NMNAT2: variants seen among roughly 807,000 people sequenced by gnomAD.
NMNAT2 encodes nicotinamide/nicotinic acid mononucleotide adenylyltransferase 2.
In NMNAT2, 11 loss-of-function variants were observed where a neutral mutation model predicts 41.6. That is an observed-to-expected ratio of 0.26 (90% CI 0.17 to 0.44). The LOEUF (loss-of-function observed/expected upper bound fraction) is 0.44. Among genes scored for constraint, NMNAT2 ranks in the 20% least tolerant of loss-of-function variants. The pLI, the probability that NMNAT2 is intolerant of heterozygous loss-of-function variation, is 1.00. For missense variants in NMNAT2, 288 were observed against 407.7 expected (o/e 0.71, Z 2.53); for synonymous variants, 148 against 151.2 (o/e 0.98, Z 0.16).
chr1:183,382,374 A>C (rs576534518), intron 1 of NMNAT2, among the ~76,000 whole-genome samples: 1 of 152,144 alleles, frequency 6.6e-6, no homozygotes, highest in Non-Finnish European at 1.5e-5. Context: ...TCCAAACCAT[A>C]TCTTTTCCAC....
chr1:183,318,146 T>A (rs1020991527), intron 1 of NMNAT2, among the ~76,000 whole-genome samples: 5 of 152,176 alleles, frequency 3.3e-5, no homozygotes, highest in Non-Finnish European at 7.4e-5. Flanking sequence ...GGGCTTCGAC[T>A]CCCAGACATC....
intron 1 of NMNAT2, among the ~76,000 whole-genome samples, chr1:183,384,720 T>G (rs1397651369): frequency 6.6e-6 from 1 of 152,242 alleles, no homozygotes; most frequent in Non-Finnish European, 1.5e-5. Flanking sequence ...CTCAAAGACG[T>G]CTCTCATTGC....
rs575434200 is a variant in NMNAT2 at position 183,333,942 on chromosome 1, G to A, written c.86-40149C>T. ...CACCAATGCTGTCTAATTGTCCCCA[G>A]TAAGTAAGAAAACTGAAAGGAGAAA... On this transcript the variant is annotated intron_variant, in intron 1 of 10. Coordinates refer to ENST00000287713, the MANE Select transcript of NMNAT2 (RefSeq NM_015039.4). 2.6e-5 allele frequency among the ~76,000 whole-genome samples: 4 copies of A among 152,310 alleles called. 1 individual carries two copies. Among genetic ancestry groups the A allele is most frequent in the African/African-American group, 9.6e-5 (4 of 41,560 alleles).
At chr1:183,370,850 T>C (rs525138) in intron 1 of NMNAT2, among the ~76,000 whole-genome samples, 107,802 of 152,100 alleles carry the variant, frequency 0.71, 38,379 homozygotes, top group East Asian at 0.91. Flanking sequence ...GGCGGGCAGA[T>C]TGGACAGCTC....
chr1:183,359,696 G>T (rs1262143655), intron 1 of NMNAT2, among the ~76,000 whole-genome samples: 2 of 152,062 alleles, frequency 1.3e-5, no homozygotes, highest in African/African-American at 2.4e-5. Context: ...CCTCTTTTTT[G>T]CTCCCATGCC....
intron 1 of NMNAT2, among the ~76,000 whole-genome samples, chr1:183,320,632 T>C (rs1408199586): frequency 6.6e-6 from 1 of 152,174 alleles, no homozygotes; most frequent in Non-Finnish European, 1.5e-5. Context: ...TGTGAATTAC[T>C]TTTTGGATAC....
chr1:183,389,429 T>C (rs1281805411), intron 1 of NMNAT2, among the ~76,000 whole-genome samples: 1 of 152,138 alleles, frequency 6.6e-6, no homozygotes, highest in Non-Finnish European at 1.5e-5. Flanking sequence ...TATTTTGTAG[T>C]TGCCTTATCT....
intron 1 of NMNAT2, among the ~76,000 whole-genome samples, chr1:183,349,571 G>A (rs182903898): frequency 3.7e-4 from 56 of 152,338 alleles, no homozygotes; most frequent in African/African-American, 1.0e-3. Flanking sequence ...CAAGCCTTTG[G>A]GGCAGGCAAG....
At chr1:183,271,212 TA>T (rs1305524980) in intron 8 of NMNAT2, among the ~76,000 whole-genome samples, 1 of 152,258 alleles carries the variant, frequency 6.6e-6, no homozygotes, top group Non-Finnish European at 1.5e-5. Context: ...GAGCAGCTAA[TA>T]CATGTAATCA....
chr1:183,284,181 G>A, intron 6 of NMNAT2, 142 bp from the exon 7 acceptor site: 1 of 670,724 alleles, frequency 1.5e-6, no homozygotes, highest in Non-Finnish European at 2.6e-6. Flanking sequence ...CACCTGAGGA[G>A]GGTGAATGGA....
chr1:183,418,238 G>A lies in NMNAT2; in HGVS notation c.30C>T (p.Ile10=), dbSNP rs1649309285. 6.2e-7 allele frequency: 1 copy of A among 1,614,046 alleles called. No homozygotes were observed. Among genetic ancestry groups the A allele is most frequent in the Non-Finnish European group, 8.5e-7 (1 of 1,180,042 alleles). Residue 10 remains isoleucine (I), a synonymous_variant, in exon 1 of 11, where the codon ATC becomes ATT. Coordinates refer to ENST00000287713, the MANE Select transcript of NMNAT2 (RefSeq NM_015039.4). ...GATTGAAGCTGCCGCAGGCGAGCAAGATAACGTGGGTCTTGGTGGTCTCGG... is the reference window on the plus strand; with the variant it reads ...GATTGAAGCTGCCGCAGGCGAGCAAAATAACGTGGGTCTTGGTGGTCTCGG... MTETTKTHV[I]LLACGSFNPI...
intron 1 of NMNAT2, among the ~76,000 whole-genome samples, chr1:183,409,173 A>G (rs12127454): frequency 0.059 from 8,937 of 152,242 alleles, 517 homozygotes; most frequent in South Asian, 0.17. Context: ...AGGGCAACAA[A>G]GTGAGACCAT....
intron 10 of NMNAT2, among the ~76,000 whole-genome samples, chr1:183,257,122 C>G (rs1376847380): frequency 2.0e-5 from 3 of 152,096 alleles, no homozygotes; most frequent in Admixed American, 2.0e-4. Context: ...AGGAGGTATT[C>G]CTTCCAGCTG....
chr1:183,417,258 G>A (rs1440254951), intron 1 of NMNAT2, among the ~76,000 whole-genome samples: 2 of 152,082 alleles, frequency 1.3e-5, no homozygotes, highest in South Asian at 2.1e-4. Context: ...GAACCAGCCA[G>A]CCGGATGCCC....
intron 8 of NMNAT2, among the ~76,000 whole-genome samples, chr1:183,273,823 T>TTCCC (rs1375969151): frequency 8.9e-5 from 4 of 44,994 alleles, no homozygotes; most frequent in East Asian, 8.3e-4. Context: ...TTCCTTTCTT[T>TTCCC]TCCCTCCCTC....
intron 5 of NMNAT2, among the ~76,000 whole-genome samples, chr1:183,285,936 C>T (rs901738120): frequency 3.3e-5 from 5 of 152,216 alleles, no homozygotes; most frequent in South Asian, 2.1e-4. Flanking sequence ...GGGTGCGGAC[C>T]GCCTGGGTGT....
rs139053566 is a variant in NMNAT2, at chr1:183,386,399, A to G, written c.85+31784T>C. Among the ~76,000 whole-genome samples the G allele has an allele frequency of 1.7e-3, 258 of 152,314 alleles. 6 individuals carry two copies. The East Asian group carries it at 0.047, about 28-fold the overall frequency. On this transcript the variant is annotated intron_variant, in intron 1 of 10. Transcript: ENST00000287713. ...TTTCAATTACCTTATTTTGAATAGC[A>G]ATGTACCATTTGGGGGAAGTTATAT...
intron 1 of NMNAT2, among the ~76,000 whole-genome samples, chr1:183,318,313 C>T (rs1037996053): frequency 1.3e-5 from 2 of 152,196 alleles, no homozygotes; most frequent in Non-Finnish European, 2.9e-5. Flanking sequence ...CTGCAGGCTA[C>T]AGTCTGTTAG....
At position 183,357,640 on chromosome 1, in the gene NMNAT2, T is replaced by A. The variant is rs555153608; in HGVS notation, c.85+60543A>T. Among the ~76,000 whole-genome samples, 10 of 152,352 alleles carry A rather than the reference T, an allele frequency of 6.6e-5. No individual in the cohort carries two copies. The South Asian group carries it at 1.9e-3, about 28-fold the overall frequency. On this transcript the variant is annotated intron_variant, in intron 1 of 10. Transcript: ENST00000287713. ...TATCAACAGTGTACAAGCGTTCTTT[T>A]TTCTCCACAACCTCGCCAACATCTG... is the stretch of plus-strand genomic sequence containing the variant.
Sources: gnomAD v4.1 joint callset for allele counts (sites outside exome capture counted in the v4.1 genomes callset) on GRCh38, gnomAD v4.1.1 for gene constraint, MANE v1.5 for transcripts, NCBI Gene and HGNC (gene_info 2026-07-23, HGNC 2026-07-21) for gene names.